The following MAD2L1 variants were observed in gnomAD, a reference collection of about 807,000 sequenced individuals.
MAD2L1 encodes mitotic spindle assembly checkpoint protein MAD2A.
MAD2L1 carries 10 observed loss-of-function variants against 25.9 expected under a neutral mutation model. The observed-to-expected ratio is 0.39, with a 90% confidence interval of 0.24 to 0.66. MAD2L1 has a LOEUF of 0.66. Ranked by LOEUF, MAD2L1 falls within the 30% of genes least tolerant of loss-of-function variation. The probability of loss-of-function intolerance (pLI) is 0.49; values close to 1 mark genes in which losing one functional copy is unlikely to be tolerated. For missense variants in MAD2L1, 180 were observed against 246.4 expected, an observed-to-expected ratio of 0.73 and a Z score of 1.80; for synonymous variants, 81 against 91.8, an observed-to-expected ratio of 0.88 and a Z score of 0.67.
intron 2 of MAD2L1, among the ~76,000 whole-genome samples, chr4:120,063,019 T>C (rs558987775): frequency 1.3e-5 from 2 of 152,350 alleles, no homozygotes; most frequent in African/African-American, 4.8e-5. Flanking sequence ...AAGTTTCTTT[T>C]ATTTCTGGCT....
rs1449168104 is a variant in MAD2L1 at position 120,059,183 on chromosome 4, T to G, written c.*935A>C. On this transcript the variant is annotated 3_prime_UTR_variant, in exon 5 of 5. Transcript: ENST00000296509. ...TCAACACTTGTTCAACTGGAATTGTTGGACTAATTCCAAAGGACATTTATC... is the reference window on the plus strand; with the variant it reads ...TCAACACTTGTTCAACTGGAATTGTGGGACTAATTCCAAAGGACATTTATC... 6.6e-6 allele frequency: 1 copy of G among 152,232 alleles called. No individual in the cohort carries two copies. Among genetic ancestry groups the G allele is most frequent in the Non-Finnish European group, 1.5e-5 (1 of 68,032 alleles). The allele number at this position is 152,232 out of a possible 1,614,324, so 9.4% of individuals were successfully genotyped here.
chr4:120,060,467 T>A (rs985823803), intron 4 of MAD2L1, among the ~76,000 whole-genome samples, 177 bp from the exon 5 acceptor site: 1 of 152,198 alleles, frequency 6.6e-6, no homozygotes, highest in African/African-American at 2.4e-5. Context: ...AAATATTGTA[T>A]CTAACTTCCG....
intron 2 of MAD2L1, among the ~76,000 whole-genome samples, chr4:120,063,521 T>C (rs1726260008): frequency 6.6e-6 from 1 of 152,240 alleles, no homozygotes; most frequent in Non-Finnish European, 1.5e-5. Flanking sequence ...TTGTGATCCC[T>C]GGCATTTATC....
intron 1 of MAD2L1, 34 bp downstream of exon 1, chr4:120,066,628 T>TC: frequency 5.7e-6 from 9 of 1,577,458 alleles, no homozygotes; most frequent in Non-Finnish European, 6.9e-6. Context: ...ACGACTCCGT[T>TC]CCCCCCGATA....
chr4:120,061,365 G>A lies in MAD2L1; in HGVS notation c.342-388C>T, dbSNP rs193267537. 3.9e-3 allele frequency among the ~76,000 whole-genome samples: 591 copies of A among 152,264 alleles called. 2 individuals carry two copies. Among genetic ancestry groups the A allele is most frequent in the Middle Eastern group, 0.017 (5 of 294 alleles). Reference sequence around the variant, plus strand: ...TCAGCATTTTTAGTAATGCCTAAATGTCTAATTTCCTATTTTCTCAAATAA... The same window carrying A: ...TCAGCATTTTTAGTAATGCCTAAATATCTAATTTCCTATTTTCTCAAATAA... On this transcript the variant is annotated intron_variant, in intron 3 of 4. Transcript: ENST00000296509.
Position 120,066,839 on chromosome 4 carries a change from A to C in MAD2L1, c.-105T>G, listed in dbSNP as rs1036784146. 6.2e-6 allele frequency: 5 copies of C among 812,528 alleles called. No individual in the cohort carries two copies. The highest frequency in any genetic ancestry group is 5.1e-5 in the African/African-American group (3 of 58,630). The allele number at this position is 812,528 out of a possible 1,614,324, so 50.3% of individuals were successfully genotyped here. A position where few individuals can be genotyped will look rare whatever the true frequency, so the allele number is the denominator to read the frequency against. On this transcript the variant is annotated 5_prime_UTR_variant, in exon 1 of 5. Coordinates refer to ENST00000296509, the MANE Select transcript of MAD2L1 (RefSeq NM_002358.4). ...AGCGTTTCAAAAGTAACGACGCAGC[A>C]CGTCGTCAGGTCCTTTGCGCAGGCG...
chr4:120,062,664 T>C (rs1350653501), intron 2 of MAD2L1, among the ~76,000 whole-genome samples: 1 of 152,132 alleles, frequency 6.6e-6, no homozygotes, highest in Admixed American at 6.5e-5. Flanking sequence ...CCTTGCAAGA[T>C]TAACAGGAGC....
Position 120,058,286 on chromosome 4 carries a change from G to T in MAD2L1, c.*1832C>A, listed in dbSNP as rs1397458601. ...TACAAAAATCTAAGAATTTAATCCTGTTAATATTGGTAGCTGAGTTGAAAT... is the reference window on the plus strand; with the variant it reads ...TACAAAAATCTAAGAATTTAATCCTTTTAATATTGGTAGCTGAGTTGAAAT... On this transcript the variant is annotated 3_prime_UTR_variant, in exon 5 of 5. Coordinates refer to ENST00000296509, the MANE Select transcript of MAD2L1 (RefSeq NM_002358.4). 1 of 151,966 alleles carries T rather than the reference G, an allele frequency of 6.6e-6. No homozygotes were observed. Among genetic ancestry groups the T allele is most frequent in the African/African-American group, 2.4e-5 (1 of 41,386 alleles). The allele number at this position is 151,966 out of a possible 1,614,324, so 9.4% of individuals were successfully genotyped here. A position where few individuals can be genotyped will look rare whatever the true frequency, so the allele number is the denominator to read the frequency against.
In MAD2L1 at chr4:120,059,030, G is replaced by A. The variant is rs945275131; in HGVS notation, c.*1088C>T. 2.6e-5 allele frequency: 4 copies of A among 152,164 alleles called. No homozygotes were observed. The East Asian group carries it at 5.8e-4, about 22-fold the overall frequency. 9.4% of individuals were successfully genotyped at this position (152,164 alleles called of 1,614,324 possible). On this transcript the variant is annotated 3_prime_UTR_variant, in exon 5 of 5. Transcript: ENST00000296509. ...CCTTAAACTGACCTTGGAAAAACAG[G>A]TGAGAACTGGATAGAAAGCATGTAC...
At chr4:120,062,733 A>C (rs1324036932) in intron 2 of MAD2L1, among the ~76,000 whole-genome samples, 1 of 152,228 alleles carries the variant, frequency 6.6e-6, no homozygotes, top group Non-Finnish European at 1.5e-5. Flanking sequence ...AGACCAGGGA[A>C]GTCATTACTG....
chr4:120,060,277 C>T lies in MAD2L1; in HGVS notation c.459G>A (p.Leu153=). 3 of 1,606,706 alleles carry T rather than the reference C, an allele frequency of 1.9e-6. No individual in the cohort carries two copies. Among genetic ancestry groups the T allele is most frequent in the South Asian group, 1.1e-5 (1 of 90,004 alleles). Residue 153 remains leucine (L), a synonymous_variant, in exon 5 of 5, where the codon CTG becomes CTA. Transcript: ENST00000296509. ...PLLEVSCSFD[L]LIYTDKDLVV... is the part of the protein sequence containing the mutation. Reference sequence around the variant, plus strand: ...CCAAATCTTTGTCTGTATAAATCAGCAGATCAAATGAACCTAAATTGGGGA... The same window carrying T: ...CCAAATCTTTGTCTGTATAAATCAGTAGATCAAATGAACCTAAATTGGGGA...
intron 3 of MAD2L1, 111 bp downstream of exon 3, chr4:120,061,860 GAAAC>G: frequency 8.7e-6 from 7 of 806,414 alleles, no homozygotes; most frequent in East Asian, 2.9e-5. Context: ...ATATAAATTA[GAAAC>G]AAACTATATT....
intron 2 of MAD2L1, 26 bp downstream of exon 2, chr4:120,065,646 C>T: frequency 6.2e-7 from 1 of 1,610,740 alleles, no homozygotes; most frequent in Non-Finnish European, 8.5e-7. Context: ...CTGCAAGACT[C>T]AAATTGTTTC....
intron 3 of MAD2L1, 148 bp from the exon 4 acceptor site, chr4:120,061,125 G>A (rs1026468577): frequency 9.0e-6 from 5 of 555,514 alleles, no homozygotes; most frequent in Non-Finnish European, 1.3e-5. Context: ...AAAAATGTGA[G>A]TGAAAGTATC....
Position 120,060,682 on chromosome 4 carries a change from A to T in MAD2L1, c.445+192T>A, listed in dbSNP as rs184336725. Among the ~76,000 whole-genome samples the T allele has an allele frequency of 2.6e-5, 4 of 152,284 alleles. No homozygotes were observed. The East Asian group carries it at 7.7e-4, about 29-fold the overall frequency. ...TAGGGTTCATACTATCCATGGTTTC[A>T]GGTATTCACTGTGGGTCTCCCTGTG... is the stretch of plus-strand genomic sequence containing the variant. On this transcript the variant is annotated intron_variant, in intron 4 of 4. Transcript: ENST00000296509.
chr4:120,066,840 C>A lies in MAD2L1; in HGVS notation c.-106G>T, dbSNP rs142741206. ...GCGTTTCAAAAGTAACGACGCAGCACGTCGTCAGGTCCTTTGCGCAGGCGC... is the reference window on the plus strand; with the variant it reads ...GCGTTTCAAAAGTAACGACGCAGCAAGTCGTCAGGTCCTTTGCGCAGGCGC... On this transcript the variant is annotated 5_prime_UTR_variant, in exon 1 of 5. Coordinates refer to ENST00000296509, the MANE Select transcript of MAD2L1 (RefSeq NM_002358.4). 8,647 of 798,786 alleles carry A rather than the reference C, an allele frequency of 0.011. 84 individuals are homozygous for A. The highest frequency in any genetic ancestry group is 0.014 in the Non-Finnish European group (6,894 of 483,770). 49.5% of individuals were successfully genotyped at this position (798,786 alleles called of 1,614,324 possible).
Position 120,066,742 on chromosome 4 carries a change from G to A in MAD2L1, c.-8C>T, listed in dbSNP as rs1479575758. ...GGAGAGCTGCAGCGCCATGGCCAGG[G>A]ACACAAACAAAAGCACGCGCTTCCA... On this transcript the variant is annotated 5_prime_UTR_variant, in exon 1 of 5. Coordinates refer to ENST00000296509, the MANE Select transcript of MAD2L1 (RefSeq NM_002358.4). The A allele has an allele frequency of 1.3e-6, 2 of 1,591,526 alleles. No individual in the cohort carries two copies. Among genetic ancestry groups the A allele is most frequent in the South Asian group, 2.2e-5 (2 of 89,106 alleles).
intron 1 of MAD2L1, 41 bp downstream of exon 1, chr4:120,066,621 A>T: frequency 6.4e-7 from 1 of 1,568,078 alleles, no homozygotes; most frequent in Non-Finnish European, 8.7e-7. Context: ...AGCCGTCACG[A>T]CTCCGTTCCC....
chr4:120,062,692 G>A (rs1177780683), intron 2 of MAD2L1, among the ~76,000 whole-genome samples: 2 of 152,136 alleles, frequency 1.3e-5, no homozygotes, highest in East Asian at 1.9e-4. Flanking sequence ...TGCAAAGCCT[G>A]GTGGATCAAA....
Sources: allele counts gnomAD v4.1 joint callset (sites outside exome capture counted in the v4.1 genomes callset), GRCh38; gene constraint gnomAD v4.1.1; transcripts MANE v1.5; gene names NCBI Gene and HGNC (gene_info 2026-07-23, HGNC 2026-07-21).